The following COX7B2 variants were observed in gnomAD, a reference collection of about 807,000 sequenced individuals.
COX7B2 encodes the protein cytochrome c oxidase subunit 7B2.
For missense variants in COX7B2, 109 were observed against 95.9 expected (o/e 1.14, Z -0.57); for synonymous variants, 37 against 32.1 (o/e 1.15, Z -0.51).
intron 2 of COX7B2, among the ~76,000 whole-genome samples, chr4:46,782,836 C>G (rs1032157759): frequency 6.6e-6 from 1 of 152,152 alleles, no homozygotes; most frequent in Admixed American, 6.5e-5. Flanking sequence ...CACGAACCCA[C>G]CAGAAGGAAG....
chr4:46,823,952 C>A (rs1577613310), intron 2 of COX7B2, among the ~76,000 whole-genome samples: 1 of 150,798 alleles, frequency 6.6e-6, no homozygotes, highest in East Asian at 1.9e-4. Context: ...ACCCAAAAGA[C>A]AATTTTAAAA....
At chr4:46,908,448 G>C (rs1210609851) in intron 1 of COX7B2, among the ~76,000 whole-genome samples, 2 of 152,026 alleles carry the variant, frequency 1.3e-5, no homozygotes, top group East Asian at 3.9e-4. Context: ...ACAGCCCAAG[G>C]TATGCAAACC....
intron 2 of COX7B2, among the ~76,000 whole-genome samples, chr4:46,841,335 C>CTGTG (rs145768502): frequency 0.076 from 10,674 of 139,774 alleles, 408 homozygotes; most frequent in African/African-American, 0.098. Flanking sequence ...CAAATGTGCT[C>CTGTG]TGTGTGTGTG....
chr4:46,833,605 A>G (rs1332734884), intron 2 of COX7B2, among the ~76,000 whole-genome samples: 1 of 152,210 alleles, frequency 6.6e-6, no homozygotes, highest in African/African-American at 2.4e-5. Flanking sequence ...GAGCAGAGGC[A>G]ATAAGAAGTA....
At chr4:46,817,431 C>G (rs544460975) in intron 2 of COX7B2, among the ~76,000 whole-genome samples, 1 of 152,034 alleles carries the variant, frequency 6.6e-6, no homozygotes, top group East Asian at 1.9e-4. Flanking sequence ...TCTCAGTCCC[C>G]CAGGTCTATA....
intron 2 of COX7B2, among the ~76,000 whole-genome samples, chr4:46,772,965 T>G (rs1716956937): frequency 6.6e-6 from 1 of 152,036 alleles, no homozygotes. Flanking sequence ...AGACACATAA[T>G]TAAATGTCCA....
At chr4:46,795,115 G>T (rs1282109620) in intron 2 of COX7B2, among the ~76,000 whole-genome samples, 1 of 138,028 alleles carries the variant, frequency 7.2e-6, no homozygotes, top group East Asian at 2.0e-4. Flanking sequence ...TGTCAGATGA[G>T]TAGGTTGCAA....
intron 2 of COX7B2, among the ~76,000 whole-genome samples, chr4:46,830,923 C>G (rs181676169): frequency 6.6e-6 from 1 of 152,196 alleles, no homozygotes; most frequent in Non-Finnish European, 1.5e-5. Flanking sequence ...TCCTAGGCGT[C>G]GGCGCCCACT....
chr4:46,886,615 A>T (rs1054485345), intron 1 of COX7B2, among the ~76,000 whole-genome samples: 1 of 152,198 alleles, frequency 6.6e-6, no homozygotes, highest in African/African-American at 2.4e-5. Flanking sequence ...GTTCAGAAGA[A>T]TTTGATATAA....
chr4:46,761,984 G>A (rs1159114487), intron 2 of COX7B2, among the ~76,000 whole-genome samples: 1 of 151,264 alleles, frequency 6.6e-6, no homozygotes, highest in Non-Finnish European at 1.5e-5. Flanking sequence ...GTGTGATTGT[G>A]TGTACAGGAT....
chr4:46,823,193 GC>G (rs1714427049), intron 2 of COX7B2, among the ~76,000 whole-genome samples: 1 of 151,952 alleles, frequency 6.6e-6, no homozygotes, highest in Admixed American at 6.6e-5. Flanking sequence ...GTGGGAAATA[GC>G]CACTATTTCC....
chr4:46,780,336 T>TAAAAACCCG (rs1336258391), intron 2 of COX7B2, among the ~76,000 whole-genome samples: 2 of 152,058 alleles, frequency 1.3e-5, no homozygotes, highest in African/African-American at 4.8e-5. Context: ...GCTAACATGG[T>TAAAAACCCG]AAAAACCCGT....
At chr4:46,766,519 G>A (rs1013105676) in intron 2 of COX7B2, among the ~76,000 whole-genome samples, 2 of 151,932 alleles carry the variant, frequency 1.3e-5, no homozygotes. Context: ...GGCTAACATG[G>A]TGAAATTCCA....
rs140227819 is a variant in COX7B2 at position 46,856,015 on chromosome 4, G to A, written c.-104-11001C>T. On this transcript the variant is annotated intron_variant, in intron 1 of 2. Coordinates refer to ENST00000355591, the MANE Select transcript of COX7B2 (RefSeq NM_130902.3). ...TCCCAGCACTTTGGGAGGCCAAGGCGGGTTTATCACTTGAGGTCAGGAGTT... is the reference window on the plus strand; with the variant it reads ...TCCCAGCACTTTGGGAGGCCAAGGCAGGTTTATCACTTGAGGTCAGGAGTT... Among the ~76,000 whole-genome samples the A allele has an allele frequency of 2.1e-3, 314 of 152,128 alleles. 2 individuals carry two copies. The highest frequency in any genetic ancestry group is 7.2e-3 in the African/African-American group (297 of 41,516).
chr4:46,851,426 T>C lies in COX7B2; in HGVS notation c.-104-6412A>G, dbSNP rs142748360. ...TTAAACATTTTATTTTGAAGTAATT[T>C]AGACATAGATAAAAGCTGCAAAATT... is the stretch of plus-strand genomic sequence containing the variant. On this transcript the variant is annotated intron_variant, in intron 1 of 2. Transcript: ENST00000355591. 7.8e-3 allele frequency among the ~76,000 whole-genome samples: 1,181 copies of C among 152,220 alleles called. 19 individuals carry two copies. The highest frequency in any genetic ancestry group is 0.027 in the African/African-American group (1,136 of 41,552).
intron 1 of COX7B2, among the ~76,000 whole-genome samples, chr4:46,869,358 A>C (rs985251185): frequency 6.6e-6 from 1 of 152,084 alleles, no homozygotes; most frequent in Non-Finnish European, 1.5e-5. Context: ...TGGTGCATTT[A>C]GTTCATTTAC....
chr4:46,864,514 C>T (rs943903036), intron 1 of COX7B2, among the ~76,000 whole-genome samples: 1 of 152,192 alleles, frequency 6.6e-6, no homozygotes, highest in Non-Finnish European at 1.5e-5. Flanking sequence ...GTGAAATGAT[C>T]GTGTGCTGTC....
In COX7B2 at chr4:46,898,529, C is replaced by T. The variant is rs190994360; in HGVS notation, c.-105+10631G>A. On this transcript the variant is annotated intron_variant, in intron 1 of 2. Transcript: ENST00000355591. ...TTCTCTTGGGCTCAAGCAATCCTTC[C>T]CCCTCAGCCTCCCAAGAAGCTGGGA... Among the ~76,000 whole-genome samples the T allele has an allele frequency of 3.5e-3, 526 of 152,088 alleles. 11 individuals are homozygous for T. Among genetic ancestry groups the T allele is most frequent in the Middle Eastern group, 0.027 (8 of 294 alleles).
chr4:46,880,163 G>A (rs1445608416), intron 1 of COX7B2, among the ~76,000 whole-genome samples: 1 of 152,124 alleles, frequency 6.6e-6, no homozygotes, highest in African/African-American at 2.4e-5. Flanking sequence ...TGTGCTGCTG[G>A]ATTCGGTTTA....
Sources: allele counts gnomAD v4.1 joint callset (sites outside exome capture counted in the v4.1 genomes callset), GRCh38; gene constraint gnomAD v4.1.1; transcripts MANE v1.5; gene names NCBI Gene and HGNC (gene_info 2026-07-23, HGNC 2026-07-21).